Variants in SLC5A12 observed in about 807,000 individuals in gnomAD.
The protein encoded by SLC5A12 is sodium-coupled monocarboxylate transporter 2.
Under a neutral mutation model 72.7 loss-of-function variants are expected in SLC5A12, and 46 were observed. That is an observed-to-expected ratio of 0.63 (90% CI 0.50 to 0.81). The LOEUF is 0.81. Ranked by LOEUF, SLC5A12 falls within the 30% of genes least tolerant of loss-of-function variation. The probability of loss-of-function intolerance (pLI) is 0.00; values close to 1 mark genes in which losing one functional copy is unlikely to be tolerated. For synonymous variants in SLC5A12, 275 were observed against 264.4 expected, an observed-to-expected ratio of 1.04 and a Z score of -0.39; for missense variants, 683 against 740.7, an observed-to-expected ratio of 0.92 and a Z score of 0.90.
intron 12 of SLC5A12, among the ~76,000 whole-genome samples, chr11:26,679,709 G>C (rs772596740): frequency 3.9e-5 from 6 of 152,022 alleles, no homozygotes; most frequent in Admixed American, 6.6e-5. Context: ...ACAGAATTCA[G>C]AGTAGAAGGA....
intron 3 of SLC5A12, among the ~76,000 whole-genome samples, chr11:26,710,088 A>G (rs1855186608): frequency 6.6e-6 from 1 of 151,960 alleles, no homozygotes; most frequent in African/African-American, 2.4e-5. Flanking sequence ...TCTTTGTTCA[A>G]CTGTCACTTA....
rs372585278 is a variant in SLC5A12 at position 26,673,545 on chromosome 11, C to T, written c.1580-16G>A. The T allele has an allele frequency of 4.4e-6, 7 of 1,591,594 alleles. No individual in the cohort carries two copies. The East Asian group carries it at 1.6e-4, about 36-fold the overall frequency. ...CTTTGGCGACCTATTAACAAAAGAA[C>T]AAATAGATTAGATGGTTGCAGGCCT... On this transcript the variant is annotated splice_polypyrimidine_tract_variant and intron_variant, in intron 13 of 14. Coordinates refer to ENST00000396005, the MANE Select transcript of SLC5A12 (RefSeq NM_178498.4).
intron 1 of SLC5A12, among the ~76,000 whole-genome samples, chr11:26,714,855 AG>A (rs1855313012): frequency 6.6e-6 from 1 of 152,070 alleles, no homozygotes; most frequent in Non-Finnish European, 1.5e-5. Context: ...CCCAAACCTG[AG>A]GTAGAAAACC....
chr11:26,691,795 G>A (rs1854682336), intron 9 of SLC5A12: 1 of 152,188 alleles, frequency 6.6e-6, no homozygotes, highest in African/African-American at 2.4e-5. Flanking sequence ...TCTGATAAGT[G>A]CTGAAGTGAG....
At chr11:26,705,854 G>A (rs186850663) in intron 4 of SLC5A12, among the ~76,000 whole-genome samples, 13 of 148,798 alleles carry the variant, frequency 8.7e-5, no homozygotes, top group African/African-American at 3.2e-4. Flanking sequence ...TAATCAAAAG[G>A]CAGATTATAG....
In SLC5A12 at chr11:26,670,873, T is replaced by G; in HGVS notation, c.*229A>C. ...TTCAAGAAGGAAGTAGTCAAGGGCA[T>G]TTGGAGCAGGTTGGTTTTTCTCTGT... On this transcript the variant is annotated 3_prime_UTR_variant, in exon 15 of 15. Coordinates refer to ENST00000396005, the MANE Select transcript of SLC5A12 (RefSeq NM_178498.4). 2.8e-6 allele frequency: 1 copy of G among 362,132 alleles called. No individual in the cohort carries two copies. The highest frequency in any genetic ancestry group is 4.9e-6 in the Non-Finnish European group (1 of 203,718). The allele number at this position is 362,132 out of a possible 1,614,324, so 22.4% of individuals were successfully genotyped here. A position where few individuals can be genotyped will look rare whatever the true frequency, so the allele number is the denominator to read the frequency against.
rs1308794167 is a variant in SLC5A12 at position 26,667,559 on chromosome 11, T to C, written c.*3543A>G. On this transcript the variant is annotated 3_prime_UTR_variant, in exon 15 of 15. Coordinates refer to ENST00000396005, the MANE Select transcript of SLC5A12 (RefSeq NM_178498.4). ...CCTTCTGTTGCTATTTTGAGAGTCATAGTTGCTTTGAACTGTGCAATGAGT... is the reference window on the plus strand; with the variant it reads ...CCTTCTGTTGCTATTTTGAGAGTCACAGTTGCTTTGAACTGTGCAATGAGT... 6.6e-6 allele frequency: 1 copy of C among 151,988 alleles called. No individual in the cohort carries two copies. Among genetic ancestry groups the C allele is most frequent in the Non-Finnish European group, 1.5e-5 (1 of 67,908 alleles). The allele number at this position is 151,988 out of a possible 1,614,324, so 9.4% of individuals were successfully genotyped here.
Position 26,681,241 on chromosome 11 carries a change from G to A in SLC5A12, c.1309-20C>T. On this transcript the variant is annotated intron_variant, in intron 11 of 14. Transcript: ENST00000396005. ...TGCACCCTGGATGAAGAAGAAAAAG[G>A]TTAATGGGAAATTTGGCAAAGCTGT... 6.5e-7 allele frequency: 1 copy of A among 1,540,206 alleles called. No individual in the cohort carries two copies. The highest frequency in any genetic ancestry group is 8.7e-7 in the Non-Finnish European group (1 of 1,144,362).
At position 26,721,773 on chromosome 11, in the gene SLC5A12, C is replaced by T; in HGVS notation, c.-59G>A. On this transcript the variant is annotated 5_prime_UTR_variant, in exon 1 of 15. Transcript: ENST00000396005. ...ACGAGGTCTCAGGAAGAAGATGTTT[C>T]CAAAAGCAAAGTTCAGTACAGTGGA... 1 of 1,503,914 alleles carries T rather than the reference C, an allele frequency of 6.6e-7. No homozygotes were observed. Among genetic ancestry groups the T allele is most frequent in the Non-Finnish European group, 9.1e-7 (1 of 1,103,488 alleles). The allele number at this position is 1,503,914 out of a possible 1,614,324, so 93.2% of individuals were successfully genotyped here. A position where few individuals can be genotyped will look rare whatever the true frequency, so the allele number is the denominator to read the frequency against.
At chr11:26,686,604 C>T (rs1217383531) in intron 9 of SLC5A12, 60 bp from the exon 10 acceptor site, 1 of 1,454,114 alleles carries the variant, frequency 6.9e-7, no homozygotes. Context: ...TCAAGGGATG[C>T]CTTGAGCCCC....
At chr11:26,683,883 G>A (rs1456505415) in intron 10 of SLC5A12, 40 bp from the exon 11 acceptor site, 1 of 1,513,518 alleles carries the variant, frequency 6.6e-7, no homozygotes, top group African/African-American at 1.4e-5. Context: ...CCCTACTCAA[G>A]GGCATCTGTG....
intron 12 of SLC5A12, 56 bp downstream of exon 12, chr11:26,680,999 C>T: frequency 6.9e-7 from 1 of 1,451,180 alleles, no homozygotes; most frequent in Non-Finnish European, 9.2e-7. Context: ...GTGCACCTCC[C>T]TCTTACCAGG....
rs971300264 is a variant in SLC5A12, at chr11:26,721,785, T to A, written c.-71A>T. ...GAAGAAGATGTTTCCAAAAGCAAAG[T>A]TCAGTACAGTGGATGCTTTGCTGAG... is the stretch of plus-strand genomic sequence containing the variant. On this transcript the variant is annotated 5_prime_UTR_variant, in exon 1 of 15. Coordinates refer to ENST00000396005, the MANE Select transcript of SLC5A12 (RefSeq NM_178498.4). 5 of 1,316,536 alleles carry A rather than the reference T, an allele frequency of 3.8e-6. No individual in the cohort carries two copies. The African/African-American group carries it at 4.4e-5, about 12-fold the overall frequency. 81.6% of individuals were successfully genotyped at this position (1,316,536 alleles called of 1,614,324 possible). A position where few individuals can be genotyped will look rare whatever the true frequency, so the allele number is the denominator to read the frequency against.
chr11:26,681,889 C>A (rs1854418154), intron 11 of SLC5A12, among the ~76,000 whole-genome samples: 2 of 151,914 alleles, frequency 1.3e-5, no homozygotes, highest in South Asian at 2.1e-4. Context: ...AGAAAAGAAA[C>A]CTGTTGGCTT....
chr11:26,691,044 T>G (rs1466325328), intron 9 of SLC5A12, among the ~76,000 whole-genome samples: 1 of 152,034 alleles, frequency 6.6e-6, no homozygotes, highest in Non-Finnish European at 1.5e-5. Context: ...CTGGGAGACA[T>G]TCTACAATAG....
At chr11:26,719,244 TTTTATTGTAA>T (rs1855423499) in intron 1 of SLC5A12, among the ~76,000 whole-genome samples, 1 of 152,238 alleles carries the variant, frequency 6.6e-6, no homozygotes, top group Non-Finnish European at 1.5e-5. Context: ...GTGTATAACT[TTTTATTGTAA>T]AGTTACTGTG....
chr11:26,694,018 A>G (rs1191246747), intron 8 of SLC5A12, among the ~76,000 whole-genome samples: 1 of 152,182 alleles, frequency 6.6e-6, no homozygotes, highest in African/African-American at 2.4e-5. Flanking sequence ...AGTTTCCAAC[A>G]TCAAGGTTAA....
Position 26,668,666 on chromosome 11 carries a change from C to T in SLC5A12, c.*2436G>A, listed in dbSNP as rs1335859635. 2 of 152,032 alleles carry T rather than the reference C, an allele frequency of 1.3e-5. No individual in the cohort carries two copies. Among genetic ancestry groups the T allele is most frequent in the Admixed American group, 1.3e-4 (2 of 15,230 alleles). The allele number at this position is 152,032 out of a possible 1,614,324, so 9.4% of individuals were successfully genotyped here. ...CTGTAGATTCCCATCTGCTCTCTAC[C>T]TGAAACCCTAGATTTATGCATGTTT... On this transcript the variant is annotated 3_prime_UTR_variant, in exon 15 of 15. Transcript: ENST00000396005.
Position 26,721,715 on chromosome 11 carries a change from A to G in SLC5A12, c.-1T>C, listed in dbSNP as rs201686575. 6.8e-5 allele frequency: 110 copies of G among 1,610,560 alleles called. No individual in the cohort carries two copies. The highest frequency in any genetic ancestry group is 8.2e-5 in the Non-Finnish European group (97 of 1,178,558). On this transcript the variant is annotated 5_prime_UTR_variant, in exon 1 of 15. Coordinates refer to ENST00000396005, the MANE Select transcript of SLC5A12 (RefSeq NM_178498.4). ...AAACTGCAAAGTTCTTCACCTCCAT[A>G]TTGGAAAGTATGACACCAGAGAGTT...
Sources: gnomAD v4.1 joint callset for allele counts (sites outside exome capture counted in the v4.1 genomes callset) on GRCh38, gnomAD v4.1.1 for gene constraint, MANE v1.5 for transcripts, NCBI Gene and HGNC (gene_info 2026-07-23, HGNC 2026-07-21) for gene names.